NUP107: variants seen among roughly 807,000 people sequenced by gnomAD.
The protein encoded by NUP107 is nuclear pore complex protein Nup107.
NUP107 carries 101 observed loss-of-function variants against 141.0 expected under a neutral mutation model. That is an observed-to-expected ratio of 0.72 (90% CI 0.61 to 0.84). The LOEUF is 0.84. Ranked by LOEUF, NUP107 falls within the 40% of genes least tolerant of loss-of-function variation. The pLI is 0.00. For missense variants in NUP107, 941 were observed against 1,102.7 expected, an observed-to-expected ratio of 0.85 and a Z score of 2.08; for synonymous variants, 319 against 363.9, an observed-to-expected ratio of 0.88 and a Z score of 1.41.
chr12:68,698,875 TATC>T (rs929074841), intron 6 of NUP107, among the ~76,000 whole-genome samples: 6 of 152,182 alleles, frequency 3.9e-5, no homozygotes, highest in African/African-American at 1.4e-4. Flanking sequence ...AGTATACATT[TATC>T]ATAATTCATG....
intron 4 of NUP107, 85 bp downstream of exon 4, chr12:68,690,831 G>T (rs1363987584): frequency 9.7e-6 from 13 of 1,340,860 alleles, no homozygotes; most frequent in Non-Finnish European, 1.3e-5. Context: ...CTGAACTCCT[G>T]ACCTCAAGTG....
intron 6 of NUP107, among the ~76,000 whole-genome samples, chr12:68,700,117 T>G (rs1217991580): frequency 2.6e-5 from 4 of 152,112 alleles, no homozygotes; most frequent in African/African-American, 9.7e-5. Context: ...TTGGCCAGGC[T>G]GGTCTCAAAC....
intron 7 of NUP107, among the ~76,000 whole-genome samples, chr12:68,702,347 A>G (rs1284200113): frequency 6.6e-6 from 1 of 152,196 alleles, no homozygotes; most frequent in East Asian, 1.9e-4. Context: ...CTGGTCTCGA[A>G]CACCCGACCT....
chr12:68,722,275 T>C lies in NUP107; in HGVS notation c.1506+123T>C, dbSNP rs12824531. On this transcript the variant is annotated intron_variant, in intron 17 of 27. Transcript: ENST00000229179. ...TTTTTCTCACCTATTAAAATAAGAA[T>C]CATTCTTTGAAACGAAGAAACTTAA... The C allele has an allele frequency of 0.025, 18,857 of 740,462 alleles. 334 individuals carry two copies. The highest frequency in any genetic ancestry group is 0.046 in the African/African-American group (2,558 of 55,298). 45.9% of individuals were successfully genotyped at this position (740,462 alleles called of 1,614,324 possible).
chr12:68,713,145 G>A (rs1170758365), intron 10 of NUP107, among the ~76,000 whole-genome samples: 1 of 151,936 alleles, frequency 6.6e-6, no homozygotes, highest in Non-Finnish European at 1.5e-5. Context: ...GGCTGAGGCA[G>A]AAGGATTACT....
chr12:68,707,714 T>A (rs1876659964), intron 8 of NUP107, among the ~76,000 whole-genome samples: 1 of 152,238 alleles, frequency 6.6e-6, no homozygotes, highest in Non-Finnish European at 1.5e-5. Context: ...ATATTAGATA[T>A]TATACATAAT....
At chr12:68,731,022 G>A (rs1430301963) in intron 20 of NUP107, 88 bp from the exon 21 acceptor site, 1 of 805,526 alleles carries the variant, frequency 1.2e-6, no homozygotes, top group East Asian at 2.8e-5. Context: ...ATCCACATCT[G>A]TATGAACCTC....
At chr12:68,722,703 C>T (rs1877406588) in intron 17 of NUP107, among the ~76,000 whole-genome samples, 1 of 152,174 alleles carries the variant, frequency 6.6e-6, no homozygotes, top group East Asian at 1.9e-4. Context: ...GTGTTTTTCA[C>T]ATTTTACTAC....
chr12:68,709,178 A>G, intron 8 of NUP107, 60 bp from the exon 9 acceptor site: 1 of 1,124,968 alleles, frequency 8.9e-7, no homozygotes, highest in Non-Finnish European at 1.3e-6. Context: ...TATTAAAATA[A>G]TATTTCTTAA....
At position 68,722,043 on chromosome 12, in the gene NUP107, T is replaced by G. The variant is rs879251436; in HGVS notation, c.1457+57T>G. 9 of 1,611,070 alleles carry G rather than the reference T, an allele frequency of 5.6e-6. No homozygotes were observed. The South Asian group carries it at 8.8e-5, about 16-fold the overall frequency. ...GATTTGTAGCATGCTCTTTGATGTTTCGTTTTACACCCCTTTTTCATATTA... is the reference window on the plus strand; with the variant it reads ...GATTTGTAGCATGCTCTTTGATGTTGCGTTTTACACCCCTTTTTCATATTA... On this transcript the variant is annotated intron_variant, in intron 16 of 27. Coordinates refer to ENST00000229179, the MANE Select transcript of NUP107 (RefSeq NM_020401.4).
chr12:68,739,018 A>AC (rs973210639), intron 26 of NUP107, among the ~76,000 whole-genome samples: 2 of 151,486 alleles, frequency 1.3e-5, no homozygotes, highest in Non-Finnish European at 2.9e-5. Context: ...CTCTCCCATC[A>AC]CTATATCCTG....
rs199944049 is a variant in NUP107, at chr12:68,742,417, C to T, written c.2733C>T (p.Leu911=). 152 of 1,609,160 alleles carry T rather than the reference C, an allele frequency of 9.4e-5. No individual in the cohort carries two copies. Among genetic ancestry groups the T allele is most frequent in the Non-Finnish European group, 9.3e-5 (109 of 1,177,178 alleles). Residue 911 remains leucine, a synonymous_variant, in exon 28 of 28, where the codon CTC becomes CTT. Transcript: ENST00000229179. The part of the protein sequence containing the change: ...LQKLRESSLM[L]LDQGLDPLGY... ...AGCTCAGAGAGTCCTCTCTAATGCT[C>T]CTAGACCAGGGACTTGACCCATTAG...
intron 8 of NUP107, among the ~76,000 whole-genome samples, chr12:68,708,630 TTTA>T (rs1407625389): frequency 7.2e-5 from 11 of 152,136 alleles, no homozygotes; most frequent in Non-Finnish European, 1.5e-5. Flanking sequence ...TTTTTTTTTT[TTTA>T]TTTTGGGATG....
intron 6 of NUP107, among the ~76,000 whole-genome samples, chr12:68,699,661 C>A (rs1876232814): frequency 6.6e-6 from 1 of 152,134 alleles, no homozygotes; most frequent in Admixed American, 6.5e-5. Context: ...AGTAACATTA[C>A]TTTGTGAATA....
At position 68,731,634 on chromosome 12, in the gene NUP107, C is replaced by A; in HGVS notation, c.1913C>A (p.Thr638Asn). ...ADLDVATITK[T>N]VVENIRKKDN... Reference sequence around the variant, plus strand: ...TTGGATGTTGCAACAATAACAAAAACTGTAGTTGAGAATATTCGAAAGAAA... The same window carrying A: ...TTGGATGTTGCAACAATAACAAAAAATGTAGTTGAGAATATTCGAAAGAAA... Residue 638 changes from threonine (T) to asparagine (N), a missense_variant, in exon 22 of 28, where the codon ACT becomes AAT. Thr to Asn is a moderately conservative substitution (Grantham distance 65, BLOSUM62 0). Transcript: ENST00000229179. 6.4e-7 allele frequency: 1 copy of A among 1,574,508 alleles called. No homozygotes were observed. Among genetic ancestry groups the A allele is most frequent in the Non-Finnish European group, 8.6e-7 (1 of 1,168,696 alleles).
At chr12:68,736,717 C>CTTTTTTTTTTTTTTTTTTTTTT (rs10713889) in intron 26 of NUP107, among the ~76,000 whole-genome samples, 5 of 105,882 alleles carry the variant, frequency 4.7e-5, no homozygotes, top group African/African-American at 1.9e-4. Flanking sequence ...GTGTCGCCAC[C>CTTTTTTTTTTTTTTTTTTTTTT]TTTTTTTTTT....
intron 12 of NUP107, among the ~76,000 whole-genome samples, chr12:68,716,961 G>A (rs1190065728): frequency 4.6e-5 from 7 of 151,684 alleles, no homozygotes; most frequent in Admixed American, 6.6e-5. Flanking sequence ...GCAGTGGCGC[G>A]ATCTCGGCTC....
chr12:68,717,354 TGCA>T (rs1487437577), intron 12 of NUP107, among the ~76,000 whole-genome samples: 2 of 152,198 alleles, frequency 1.3e-5, no homozygotes, highest in Non-Finnish European at 2.9e-5. Context: ...TTAAGGTAGT[TGCA>T]GTCATACTAT....
intron 10 of NUP107, among the ~76,000 whole-genome samples, chr12:68,712,211 A>T (rs1592505570): frequency 6.6e-6 from 1 of 152,084 alleles, no homozygotes; most frequent in Non-Finnish European, 1.5e-5. Context: ...GGGCAGGTAC[A>T]GTGGCTCACA....
Sources: allele counts gnomAD v4.1 joint callset (sites outside exome capture counted in the v4.1 genomes callset), GRCh38; gene constraint gnomAD v4.1.1; transcripts MANE v1.5; gene names NCBI Gene and HGNC (gene_info 2026-07-23, HGNC 2026-07-21).